APBB2: variants seen among roughly 807,000 people sequenced by gnomAD.
APBB2 encodes the protein Fe65-like 1.
A neutral mutation model predicts 82.5 loss-of-function variants in APBB2; 38 were observed. The ratio of observed to expected loss-of-function variants is 0.46; its 90% CI spans 0.36 to 0.60. The LOEUF is 0.60. Ranked by LOEUF, APBB2 falls within the 20% of genes least tolerant of loss-of-function variation. APBB2 has a pLI of 0.00. For synonymous variants in APBB2, 341 were observed against 368.2 expected, an observed-to-expected ratio of 0.93 and a Z score of 0.85; for missense variants, 772 against 972.3, an observed-to-expected ratio of 0.79 and a Z score of 2.74.
intron 6 of APBB2, among the ~76,000 whole-genome samples, chr4:40,995,541 A>T (rs1303703501): frequency 6.6e-6 from 1 of 150,988 alleles, no homozygotes; most frequent in Non-Finnish European, 1.5e-5. Context: ...ATGTTTAAAA[A>T]AAAAAAATTT....
At chr4:41,064,828 A>G (rs535444512) in intron 4 of APBB2, among the ~76,000 whole-genome samples, 3 of 152,308 alleles carry the variant, frequency 2.0e-5, no homozygotes, top group African/African-American at 7.2e-5. Flanking sequence ...TTAAACAGAG[A>G]CATACCCAGG....
intron 7 of APBB2, among the ~76,000 whole-genome samples, chr4:40,941,838 T>C (rs1787020434): frequency 6.6e-6 from 1 of 152,060 alleles, no homozygotes; most frequent in Non-Finnish European, 1.5e-5. Context: ...GGTCTTGCTA[T>C]GTTGTCCAGG....
chr4:40,869,037 T>G (rs1000416276), intron 12 of APBB2, among the ~76,000 whole-genome samples: 27 of 152,142 alleles, frequency 1.8e-4, no homozygotes, highest in Admixed American at 1.4e-3. Context: ...CTATTTTTTT[T>G]TTCTTCTTTG....
At chr4:40,879,962 G>T in intron 12 of APBB2, 1 of 969,822 alleles carries the variant, frequency 1.0e-6, no homozygotes, top group South Asian at 4.8e-5. Flanking sequence ...AAAGTGCTGG[G>T]ATTACAGGCA....
chr4:41,128,088 A>AT (rs1203299827), intron 2 of APBB2, among the ~76,000 whole-genome samples: 1 of 151,964 alleles, frequency 6.6e-6, no homozygotes, highest in African/African-American at 2.4e-5. Context: ...TCAGAAAAAA[A>AT]AAGAAAAAAA....
In APBB2 at chr4:40,935,152, T is replaced by G; in HGVS notation, c.1045-13A>C. On this transcript the variant is annotated splice_polypyrimidine_tract_variant and intron_variant, in intron 7 of 17. Coordinates refer to ENST00000508593, the MANE Select transcript of APBB2 (RefSeq NM_004307.2). ...TCCATGGCTGTTTCTAGACATATAA[T>G]TATTCACATAGGAAAAAAGCACATT... 6.6e-7 allele frequency: 1 copy of G among 1,503,846 alleles called. No individual in the cohort carries two copies. Among genetic ancestry groups the G allele is most frequent in the Non-Finnish European group, 8.9e-7 (1 of 1,125,636 alleles). 93.2% of individuals were successfully genotyped at this position (1,503,846 alleles called of 1,614,324 possible).
intron 12 of APBB2, among the ~76,000 whole-genome samples, chr4:40,836,136 T>C (rs926893186): frequency 6.6e-6 from 1 of 152,012 alleles, no homozygotes; most frequent in Non-Finnish European, 1.5e-5. Context: ...GACATGGATC[T>C]GGGAGGTGGG....
Position 40,811,859 on chromosome 4 carries a change from C to T in APBB2, c.*4233G>A, listed in dbSNP as rs999700065. ...ATTCTGTTTATCTGCCTTCCTGCGC[C>T]TAACAGTTAAGCTAAACCAGATTCA... On this transcript the variant is annotated 3_prime_UTR_variant, in exon 18 of 18. Coordinates refer to ENST00000508593, the MANE Select transcript of APBB2 (RefSeq NM_004307.2). The T allele has an allele frequency of 1.3e-5, 2 of 152,216 alleles. No homozygotes were observed. The highest frequency in any genetic ancestry group is 2.9e-5 in the Non-Finnish European group (2 of 68,044). The allele number at this position is 152,216 out of a possible 1,614,324, so 9.4% of individuals were successfully genotyped here.
rs183616960 is a variant in APBB2 at position 40,934,963 on chromosome 4, C to T, written c.1107+114G>A. 848 of 928,560 alleles carry T rather than the reference C, an allele frequency of 9.1e-4. 6 individuals are homozygous for T. The highest frequency in any genetic ancestry group is 6.9e-3 in the South Asian group (412 of 60,010). 57.5% of individuals were successfully genotyped at this position (928,560 alleles called of 1,614,324 possible). On this transcript the variant is annotated intron_variant, in intron 8 of 17. Transcript: ENST00000508593. ...AGCTGAATGCCCCTAGCAAGAAGCC[C>T]GATCACTGTGTCCCTGCAGAATGCA...
intron 6 of APBB2, among the ~76,000 whole-genome samples, chr4:40,988,129 C>T (rs931436258): frequency 6.6e-6 from 1 of 152,148 alleles, no homozygotes; most frequent in Non-Finnish European, 1.5e-5. Context: ...AGTGACTATG[C>T]CCCAAGGATA....
chr4:40,888,620 T>C (rs1026222217), intron 12 of APBB2, among the ~76,000 whole-genome samples: 3 of 150,660 alleles, frequency 2.0e-5, no homozygotes, highest in African/African-American at 4.9e-5. Context: ...ACGTATGTAA[T>C]GTAACAAGCT....
At chr4:40,916,599 C>T (rs1215379642) in intron 10 of APBB2, among the ~76,000 whole-genome samples, 1 of 152,192 alleles carries the variant, frequency 6.6e-6, no homozygotes, top group Non-Finnish European at 1.5e-5. Context: ...AGGTAACATA[C>T]CCGTGTCTCT....
At chr4:41,072,593 T>C (rs963981209) in intron 3 of APBB2, among the ~76,000 whole-genome samples, 1 of 152,202 alleles carries the variant, frequency 6.6e-6, no homozygotes, top group Non-Finnish European at 1.5e-5. Context: ...ACTTGGGCTG[T>C]TGTGATGCCT....
At chr4:40,949,542 G>A (rs943655277) in intron 6 of APBB2, among the ~76,000 whole-genome samples, 2 of 152,034 alleles carry the variant, frequency 1.3e-5, no homozygotes, top group Non-Finnish European at 2.9e-5. Flanking sequence ...CTGCAAAGCC[G>A]CTTAATGGCC....
At chr4:40,938,330 T>C (rs1785907136) in intron 7 of APBB2, among the ~76,000 whole-genome samples, 1 of 152,192 alleles carries the variant, frequency 6.6e-6, no homozygotes, top group South Asian at 2.1e-4. Flanking sequence ...ACAGTGTGTC[T>C]AGGGGGACTG....
rs368632449 is a variant in APBB2, at chr4:41,088,443, G to A, written c.-149+12196C>T. On this transcript the variant is annotated intron_variant, in intron 3 of 17. Transcript: ENST00000508593. ...AGACTTTTTGACAGCTGTGGCTATT[G>A]CCATCGCAGCCCTGTGGAAAGGGGT... 4.9e-4 allele frequency among the ~76,000 whole-genome samples: 74 copies of A among 152,346 alleles called. 1 individual carries two copies. The highest frequency in any genetic ancestry group is 3.4e-3 in the Middle Eastern group (1 of 294).
intron 7 of APBB2, 87 bp from the exon 8 acceptor site, chr4:40,935,226 G>A: frequency 1.0e-6 from 1 of 986,708 alleles, no homozygotes; most frequent in Non-Finnish European, 1.5e-6. Context: ...ACAAGACACT[G>A]TTGTTAGCAT....
At chr4:40,975,723 G>C (rs1240061217) in intron 6 of APBB2, among the ~76,000 whole-genome samples, 1 of 144,956 alleles carries the variant, frequency 6.9e-6, no homozygotes, top group Non-Finnish European at 1.5e-5. Context: ...ACAGCTTTCA[G>C]GTAAATAAAG....
intron 4 of APBB2, among the ~76,000 whole-genome samples, chr4:41,059,546 G>C (rs564049622): frequency 6.6e-6 from 1 of 152,248 alleles, no homozygotes; most frequent in Non-Finnish European, 1.5e-5. Flanking sequence ...CACCTGGCCC[G>C]CCCAGGGCGG....
Sources: allele counts gnomAD v4.1 joint callset (sites outside exome capture counted in the v4.1 genomes callset), GRCh38; gene constraint gnomAD v4.1.1; transcripts MANE v1.5; gene names NCBI Gene and HGNC (gene_info 2026-07-23, HGNC 2026-07-21).